Variants in PPHLN1 observed in about 807,000 individuals in gnomAD.
The protein encoded by PPHLN1 is periphilin-1.
Under a neutral mutation model 51.3 loss-of-function variants are expected in PPHLN1, and 29 were observed. That is an observed-to-expected ratio of 0.57 (90% CI 0.42 to 0.77). PPHLN1 has a LOEUF of 0.77. Ranked by LOEUF, PPHLN1 falls within the 30% of genes least tolerant of loss-of-function variation. The pLI, the probability that PPHLN1 is intolerant of heterozygous loss-of-function variation, is 0.00. For missense variants in PPHLN1, 436 were observed against 438.4 expected (o/e 0.99, Z 0.05); for synonymous variants, 147 against 147.8 (o/e 0.99, Z 0.04).
chr12:42,382,157 T>G (rs1034055964), intron 5 of PPHLN1, among the ~76,000 whole-genome samples: 9 of 152,178 alleles, frequency 5.9e-5, no homozygotes, highest in African/African-American at 2.2e-4. Flanking sequence ...TCCTGTTAGA[T>G]TGCATTCAGC....
Position 42,374,844 on chromosome 12 carries a change from G to GTTTTT in PPHLN1, c.300-10_300-6dup. The GTTTTT allele has an allele frequency of 7.6e-7, 1 of 1,319,384 alleles. No homozygotes were observed. Among genetic ancestry groups the GTTTTT allele is most frequent in the African/African-American group, 1.5e-5 (1 of 65,766 alleles). 81.7% of individuals were successfully genotyped at this position (1,319,384 alleles called of 1,614,324 possible). ...ATAGAGTATAATTAACTTATTTTAT[G>GTTTTT]TTTTTTTTTTTTTCAAAGGGACATG... On this transcript the variant is annotated intron_variant, in intron 4 of 9. Transcript: ENST00000358314.
chr12:42,392,942 G>A (rs533178037), intron 7 of PPHLN1, among the ~76,000 whole-genome samples: 10 of 152,220 alleles, frequency 6.6e-5, no homozygotes, highest in Non-Finnish European at 1.0e-4. Context: ...TCATGGTGTC[G>A]TAAGTTAGGT....
intron 5 of PPHLN1, among the ~76,000 whole-genome samples, chr12:42,382,603 G>A (rs1391713912): frequency 6.6e-6 from 1 of 152,152 alleles, no homozygotes; most frequent in African/African-American, 2.4e-5. Flanking sequence ...AGAACAATGA[G>A]TGAAAGAGGC....
chr12:42,434,279 T>C (rs2082293741), intron 9 of PPHLN1, among the ~76,000 whole-genome samples: 1 of 152,086 alleles, frequency 6.6e-6, no homozygotes, highest in Non-Finnish European at 1.5e-5. Flanking sequence ...CTGGGGCCTG[T>C]TGGAGGCTGG....
In PPHLN1 at chr12:42,432,201, C is replaced by T. The variant is rs2082097874; in HGVS notation, c.910-9114C>T. 8.6e-6 allele frequency: 7 copies of T among 816,766 alleles called. No homozygotes were observed. The South Asian group carries it at 9.3e-5, about 11-fold the overall frequency. 50.6% of individuals were successfully genotyped at this position (816,766 alleles called of 1,614,324 possible). On this transcript the variant is annotated intron_variant, in intron 9 of 9. Transcript: ENST00000358314. ...CTCAGCTTGTCTTTACCCTCAGATT[C>T]TATTTCAGAGGGGTTAGACAGCTTA...
At chr12:42,429,384 C>T (rs1164851592) in intron 9 of PPHLN1, among the ~76,000 whole-genome samples, 2 of 152,160 alleles carry the variant, frequency 1.3e-5, no homozygotes, top group African/African-American at 4.8e-5. Flanking sequence ...CTTACCTGCT[C>T]ATGTCTAGCT....
chr12:42,427,893 G>T (rs1390663667), intron 9 of PPHLN1, among the ~76,000 whole-genome samples: 1 of 151,770 alleles, frequency 6.6e-6, no homozygotes, highest in Admixed American at 6.6e-5. Flanking sequence ...AATCTATAAC[G>T]AACTCAATCA....
chr12:42,350,834 C>T (rs956186976), intron 2 of PPHLN1, among the ~76,000 whole-genome samples: 4 of 152,012 alleles, frequency 2.6e-5, no homozygotes, highest in East Asian at 3.9e-4. Context: ...CATGGCGGCG[C>T]GCGCCTGCAA....
intron 2 of PPHLN1, among the ~76,000 whole-genome samples, chr12:42,336,837 C>G (rs1024048078): frequency 1.3e-5 from 2 of 152,138 alleles, no homozygotes; most frequent in East Asian, 1.9e-4. Context: ...ATTATAGATT[C>G]ATTATATACC....
intron 9 of PPHLN1, chr12:42,431,784 G>A (rs2082056731): frequency 5.5e-6 from 6 of 1,084,556 alleles, no homozygotes; most frequent in East Asian, 2.4e-5. Flanking sequence ...AGCACTAGTC[G>A]GGCTATTTAT....
rs1312436618 is a variant in PPHLN1 at position 42,326,244 on chromosome 12, C to T, written c.-21+15C>T. Reference sequence around the variant, plus strand: ...GGCCAGAGTCGGTGAGCGCTTTTTACCTTTCCCAGAGATGGATGCAGAGCG... The same window carrying T: ...GGCCAGAGTCGGTGAGCGCTTTTTATCTTTCCCAGAGATGGATGCAGAGCG... On this transcript the variant is annotated intron_variant, in intron 1 of 9. Coordinates refer to ENST00000358314, the MANE Select transcript of PPHLN1 (RefSeq NM_201439.2). 1 of 152,272 alleles carries T rather than the reference C, an allele frequency of 6.6e-6. No individual in the cohort carries two copies. Among genetic ancestry groups the T allele is most frequent in the African/African-American group, 2.4e-5 (1 of 41,424 alleles). The allele number at this position is 152,272 out of a possible 1,614,324, so 9.4% of individuals were successfully genotyped here. A position where few individuals can be genotyped will look rare whatever the true frequency, so the allele number is the denominator to read the frequency against.
At chr12:42,416,610 A>G (rs1479479805) in intron 9 of PPHLN1, among the ~76,000 whole-genome samples, 1 of 152,222 alleles carries the variant, frequency 6.6e-6, no homozygotes, top group Admixed American at 6.5e-5. Context: ...TGTTATACTT[A>G]TGAATACAGT....
intron 2 of PPHLN1, among the ~76,000 whole-genome samples, chr12:42,347,873 C>G (rs752958860): frequency 6.6e-6 from 1 of 152,124 alleles, no homozygotes; most frequent in African/African-American, 2.4e-5. Flanking sequence ...GGATAAGACA[C>G]GAACGCTTTA....
At chr12:42,446,159 G>GACATT, downstream of PPHLN1, 1 of 1,603,650 alleles carries the variant, frequency 6.2e-7, no homozygotes, top group Non-Finnish European at 8.5e-7. Context: ...AGGAGCCCCA[G>GACATT]ACATTACCTG....
chr12:42,387,915 A>G (rs1206940347), intron 7 of PPHLN1, among the ~76,000 whole-genome samples: 1 of 152,232 alleles, frequency 6.6e-6, no homozygotes, highest in Non-Finnish European at 1.5e-5. Context: ...AGGGCTGTGC[A>G]GGATGTGCCT....
chr12:42,367,914 T>TA (rs954715767), intron 4 of PPHLN1, among the ~76,000 whole-genome samples: 33 of 152,156 alleles, frequency 2.2e-4, no homozygotes, highest in Non-Finnish European at 1.8e-4. Flanking sequence ...TTTGTATTTT[T>TA]AATAGACACA....
chr12:42,413,753 G>A (rs1345228548), intron 9 of PPHLN1, among the ~76,000 whole-genome samples: 1 of 152,004 alleles, frequency 6.6e-6, no homozygotes, highest in Non-Finnish European at 1.5e-5. Context: ...ATAGAGACGA[G>A]GTTTCAGCCA....
chr12:42,346,541 G>A (rs1040912637), intron 2 of PPHLN1, among the ~76,000 whole-genome samples: 4 of 152,292 alleles, frequency 2.6e-5, no homozygotes, highest in African/African-American at 9.6e-5. Context: ...TAATGCTGCA[G>A]TGAACATGGA....
intron 1 of PPHLN1, among the ~76,000 whole-genome samples, chr12:42,326,679 C>A (rs200176528): frequency 6.6e-6 from 1 of 152,142 alleles, no homozygotes; most frequent in African/African-American, 2.4e-5. Flanking sequence ...AATGACTCAT[C>A]TTTAGTATGG....
Sources: gnomAD v4.1 joint callset for allele counts (sites outside exome capture counted in the v4.1 genomes callset) on GRCh38, gnomAD v4.1.1 for gene constraint, MANE v1.5 for transcripts, NCBI Gene and HGNC (gene_info 2026-07-23, HGNC 2026-07-21) for gene names.